The following PCGF5 variants were observed in gnomAD, a reference collection of about 807,000 sequenced individuals.
PCGF5 encodes the protein polycomb group RING finger protein 5.
In PCGF5, 9 loss-of-function variants were observed where a neutral mutation model predicts 44.3. The observed-to-expected ratio is 0.20, with a 90% confidence interval of 0.12 to 0.35. PCGF5 has a LOEUF of 0.35. Ranked by LOEUF, PCGF5 falls within the 10% of genes least tolerant of loss-of-function variation. PCGF5 has a pLI of 1.00. For missense variants in PCGF5, 146 were observed against 305.3 expected (o/e 0.48, Z 3.89); for synonymous variants, 95 against 102.5 (o/e 0.93, Z 0.44).
chr10:91,266,025 A>G (rs745518131), intron 8 of PCGF5, among the ~76,000 whole-genome samples: 15 of 152,214 alleles, frequency 9.9e-5, no homozygotes, highest in Non-Finnish European at 1.9e-4. Flanking sequence ...ATGATTGTAC[A>G]TACATCAATC....
At chr10:91,214,801 C>T (rs1279238431) in intron 1 of PCGF5, among the ~76,000 whole-genome samples, 1 of 152,106 alleles carries the variant, frequency 6.6e-6, no homozygotes. Context: ...GAAATGGATC[C>T]AGAGAAAGGT....
intron 2 of PCGF5, chr10:91,227,845 T>C: frequency 2.0e-6 from 2 of 985,882 alleles, no homozygotes; most frequent in Non-Finnish European, 2.4e-6. Flanking sequence ...TGTGCCCAGC[T>C]AGCAGTTACC....
intron 2 of PCGF5, among the ~76,000 whole-genome samples, chr10:91,232,635 G>A (rs184769580): frequency 1.3e-5 from 2 of 152,330 alleles, no homozygotes; most frequent in East Asian, 3.9e-4. Context: ...ATATAGGGCA[G>A]AGGATGGCTT....
intron 7 of PCGF5, 85 bp from the exon 8 acceptor site, chr10:91,264,346 A>T (rs1845997450): frequency 9.7e-7 from 1 of 1,027,908 alleles, no homozygotes; most frequent in East Asian, 2.5e-5. Flanking sequence ...CAACTATTTG[A>T]ATATTTTTTG....
chr10:91,207,968 C>T (rs1052706875), intron 1 of PCGF5, among the ~76,000 whole-genome samples: 7 of 152,056 alleles, frequency 4.6e-5, no homozygotes, highest in African/African-American at 1.7e-4. Flanking sequence ...TGTAGGGGTA[C>T]CTTTTCCCCT....
intron 6 of PCGF5, among the ~76,000 whole-genome samples, chr10:91,256,673 G>A (rs1845759699): frequency 6.6e-6 from 1 of 152,034 alleles, no homozygotes; most frequent in South Asian, 2.1e-4. Flanking sequence ...GACAAAGAGA[G>A]AATCTTGAAA....
chr10:91,180,618 A>G (rs1005272025), intron 1 of PCGF5, among the ~76,000 whole-genome samples: 70 of 152,248 alleles, frequency 4.6e-4, no homozygotes, highest in African/African-American at 1.6e-3. Context: ...TCCTTTCCCC[A>G]TTGCTTATTT....
intron 2 of PCGF5, among the ~76,000 whole-genome samples, chr10:91,224,315 A>C (rs1366954837): frequency 1.3e-5 from 2 of 152,134 alleles, no homozygotes; most frequent in African/African-American, 4.8e-5. Context: ...ATCTTGTATT[A>C]CTAGTTTGCT....
chr10:91,177,529 C>T (rs1231527099), intron 1 of PCGF5, among the ~76,000 whole-genome samples: 4 of 152,206 alleles, frequency 2.6e-5, no homozygotes, highest in Admixed American at 2.6e-4. Context: ...GCAGACAGGC[C>T]TCCTTGAGCT....
intron 9 of PCGF5, among the ~76,000 whole-genome samples, chr10:91,272,263 C>T (rs1846197260): frequency 6.6e-6 from 1 of 152,166 alleles, no homozygotes; most frequent in African/African-American, 2.4e-5. Context: ...GGGAAACAGA[C>T]AAGGGTATAG....
At chr10:91,180,908 GA>G (rs1843806111) in intron 1 of PCGF5, among the ~76,000 whole-genome samples, 1 of 152,190 alleles carries the variant, frequency 6.6e-6, no homozygotes, top group Non-Finnish European at 1.5e-5. Context: ...TAGTTTAATA[GA>G]AATAGCATTG....
chr10:91,271,742 G>A (rs776347631), intron 9 of PCGF5, 45 bp downstream of exon 9: 21 of 1,499,094 alleles, frequency 1.4e-5, no homozygotes, highest in Non-Finnish European at 4.6e-6. Flanking sequence ...ATGACACCAT[G>A]GCGGTGAGCA....
At chr10:91,162,697 G>A (rs193088555), upstream of PCGF5, among the ~76,000 whole-genome samples, 3,072 of 150,588 alleles carry the variant, frequency 0.02, 105 homozygotes, top group East Asian at 0.087. Flanking sequence ...CCGGCAGGAC[G>A]CTCCGGGAGC....
At chr10:91,164,678 A>G (rs1304690696) in intron 1 of PCGF5, among the ~76,000 whole-genome samples, 1 of 152,208 alleles carries the variant, frequency 6.6e-6, no homozygotes, top group African/African-American at 2.4e-5. Flanking sequence ...ATCACTCTCA[A>G]AGATTAACTT....
chr10:91,216,169 T>A (rs1373570869), upstream of PCGF5, among the ~76,000 whole-genome samples: 1 of 152,228 alleles, frequency 6.6e-6, no homozygotes, highest in Non-Finnish European at 1.5e-5. Context: ...GTGTGATATT[T>A]GATTTGAGAG....
chr10:91,258,317 T>G (rs1051413523), intron 6 of PCGF5, among the ~76,000 whole-genome samples: 2 of 152,180 alleles, frequency 1.3e-5, no homozygotes, highest in Non-Finnish European at 2.9e-5. Flanking sequence ...TCTTCCTAAT[T>G]TCTTGACAGA....
chr10:91,159,215 G>A (rs190939530), upstream of PCGF5, among the ~76,000 whole-genome samples: 1 of 152,190 alleles, frequency 6.6e-6, no homozygotes, highest in African/African-American at 2.4e-5. Context: ...TTCTAGTTCT[G>A]GTATTTACTA....
chr10:91,204,170 A>T (rs940638767), intron 1 of PCGF5, among the ~76,000 whole-genome samples: 2 of 152,184 alleles, frequency 1.3e-5, no homozygotes, highest in Admixed American at 6.5e-5. Context: ...TAATTTGCAT[A>T]AGTTTATGTC....
intron 1 of PCGF5, among the ~76,000 whole-genome samples, chr10:91,163,859 G>A (rs1375013217): frequency 7.9e-5 from 12 of 152,100 alleles, no homozygotes; most frequent in Admixed American, 7.9e-4. Flanking sequence ...GGGCACGGAC[G>A]GACGTGCCCG....
Sources: gnomAD v4.1 joint callset for allele counts (sites outside exome capture counted in the v4.1 genomes callset) on GRCh38, gnomAD v4.1.1 for gene constraint, MANE v1.5 for transcripts, NCBI Gene and HGNC (gene_info 2026-07-23, HGNC 2026-07-21) for gene names.